HHAT: variants seen among roughly 807,000 people sequenced by gnomAD.
The protein encoded by HHAT is hedgehog acyltransferase.
Under a neutral mutation model 70.8 loss-of-function variants are expected in HHAT, and 47 were observed. That is an observed-to-expected ratio of 0.66 (90% CI 0.53 to 0.85). HHAT has a LOEUF of 0.85. HHAT is among the 40% of genes least tolerant of loss of function. HHAT has a pLI of 0.00. For synonymous variants in HHAT, 228 were observed against 247.6 expected, an observed-to-expected ratio of 0.92 and a Z score of 0.74; for missense variants, 609 against 604.8, an observed-to-expected ratio of 1.01 and a Z score of -0.07.
At chr1:210,655,943 G>T (rs943159187) in intron 11 of HHAT, among the ~76,000 whole-genome samples, 11 of 152,182 alleles carry the variant, frequency 7.2e-5, no homozygotes, top group African/African-American at 2.6e-4. Flanking sequence ...CCTTTGTAGG[G>T]ATCATCTGGT....
chr1:210,634,577 C>T (rs182226932), intron 11 of HHAT, among the ~76,000 whole-genome samples: 17 of 152,260 alleles, frequency 1.1e-4, no homozygotes, highest in Admixed American at 6.5e-4. Flanking sequence ...TGTGGAGCTG[C>T]GCTTTTTCTC....
chr1:210,344,431 C>T (rs1026739788), intron 1 of HHAT, among the ~76,000 whole-genome samples: 1 of 152,080 alleles, frequency 6.6e-6, no homozygotes, highest in African/African-American at 2.4e-5. Flanking sequence ...CACAGCTGTG[C>T]CCATTAGGTG....
At chr1:210,349,465 A>G (rs963263381) in intron 2 of HHAT, among the ~76,000 whole-genome samples, 17 of 152,032 alleles carry the variant, frequency 1.1e-4, no homozygotes, top group African/African-American at 4.1e-4. Flanking sequence ...TGTTGGAGAT[A>G]AATCATCATC....
chr1:210,598,579 T>C (rs1024801305), intron 10 of HHAT, among the ~76,000 whole-genome samples: 3 of 152,196 alleles, frequency 2.0e-5, no homozygotes, highest in Non-Finnish European at 4.4e-5. Flanking sequence ...TGGGCTGAGT[T>C]CTGCCCATCT....
At chr1:210,520,465 T>TTGG (rs1181491443) in intron 9 of HHAT, among the ~76,000 whole-genome samples, 1 of 152,206 alleles carries the variant, frequency 6.6e-6, no homozygotes. Flanking sequence ...TCGCTCTGGT[T>TTGG]TGGTGGTTTT....
intron 8 of HHAT, among the ~76,000 whole-genome samples, chr1:210,469,931 C>T (rs990128547): frequency 9.2e-5 from 14 of 152,100 alleles, no homozygotes; most frequent in African/African-American, 3.4e-4. Flanking sequence ...ACTATCAACC[C>T]GACTTCTAGG....
At chr1:210,590,749 C>T (rs966405100) in intron 10 of HHAT, among the ~76,000 whole-genome samples, 60 of 152,198 alleles carry the variant, frequency 3.9e-4, no homozygotes, top group African/African-American at 1.4e-3. Context: ...GAAACGCCTT[C>T]ACCAGAACAC....
intron 6 of HHAT, among the ~76,000 whole-genome samples, chr1:210,405,661 G>A (rs1256251075): frequency 6.6e-6 from 1 of 152,142 alleles, no homozygotes; most frequent in Non-Finnish European, 1.5e-5. Flanking sequence ...TGTCCTCAAA[G>A]TTCCACTGAA....
chr1:210,347,066 G>T (rs1436198771), intron 1 of HHAT, among the ~76,000 whole-genome samples: 1 of 152,136 alleles, frequency 6.6e-6, no homozygotes, highest in Non-Finnish European at 1.5e-5. Flanking sequence ...CACTTTTCAA[G>T]AATATAATAC....
intron 7 of HHAT, among the ~76,000 whole-genome samples, chr1:210,445,200 A>G (rs978684122): frequency 6.6e-6 from 1 of 152,222 alleles, no homozygotes; most frequent in Non-Finnish European, 1.5e-5. Flanking sequence ...AGTGCGGAGA[A>G]TATAAAATAG....
At chr1:210,385,841 A>G (rs2091005289) in intron 3 of HHAT, among the ~76,000 whole-genome samples, 1 of 152,302 alleles carries the variant, frequency 6.6e-6, no homozygotes, top group South Asian at 2.1e-4. Flanking sequence ...TAATGTACAT[A>G]TGCTCTTATT....
At chr1:210,334,178 A>ATT (rs3033354) in intron 1 of HHAT, among the ~76,000 whole-genome samples, 21,088 of 99,840 alleles carry the variant, frequency 0.21, 5,431 homozygotes, top group South Asian at 0.26. Context: ...TTAGCGTGTC[A>ATT]TTTTTTTTTT....
intron 7 of HHAT, among the ~76,000 whole-genome samples, chr1:210,446,146 A>G (rs2148377218): frequency 6.6e-6 from 1 of 152,158 alleles, no homozygotes; most frequent in African/African-American, 2.4e-5. Context: ...GAGGGTGTGG[A>G]ACTCTGGCCT....
chr1:210,360,465 C>T (rs1213861053), intron 2 of HHAT, among the ~76,000 whole-genome samples: 1 of 152,158 alleles, frequency 6.6e-6, no homozygotes, highest in Non-Finnish European at 1.5e-5. Context: ...CGCCTGCCAT[C>T]ACGCCCAGCT....
chr1:210,575,638 T>G (rs1392604719), intron 9 of HHAT, among the ~76,000 whole-genome samples: 2 of 152,192 alleles, frequency 1.3e-5, no homozygotes, highest in Admixed American at 1.3e-4. Context: ...TGTTTGTGAC[T>G]GAGAGCTAGT....
intron 9 of HHAT, among the ~76,000 whole-genome samples, chr1:210,559,922 C>T (rs1230605346): frequency 1.3e-5 from 2 of 152,180 alleles, no homozygotes; most frequent in African/African-American, 4.8e-5. Flanking sequence ...TGAAAGCCTG[C>T]TCAGTCAGGT....
Position 210,625,107 on chromosome 1 carries a change from G to A in HHAT, c.1390+1437G>A, listed in dbSNP as rs1204574754. On this transcript the variant is annotated intron_variant, in intron 11 of 11. Transcript: ENST00000261458. ...GAGAGTCCTGTTCTACTTTAATCTT[G>A]TCACTAAAAGACCCCTCTTTGATCT... Among the ~76,000 whole-genome samples, 3 of 152,166 alleles carry A rather than the reference G, an allele frequency of 2.0e-5. No homozygotes were observed. The East Asian group carries it at 5.8e-4, about 29-fold the overall frequency.
chr1:210,560,315 T>C (rs1553271251), intron 9 of HHAT, among the ~76,000 whole-genome samples: 1 of 152,078 alleles, frequency 6.6e-6, no homozygotes, highest in Non-Finnish European at 1.5e-5. Context: ...AAGGTTTTTT[T>C]CCCCCACTTA....
chr1:210,329,211 A>G (rs2084762994), intron 1 of HHAT, 107 bp downstream of exon 1: 1 of 1,197,296 alleles, frequency 8.4e-7, no homozygotes, highest in African/African-American at 1.6e-5. Context: ...TCCGTTTCCT[A>G]CCCAAGTTCC....
Sources: gnomAD v4.1 joint callset for allele counts (sites outside exome capture counted in the v4.1 genomes callset) on GRCh38, gnomAD v4.1.1 for gene constraint, MANE v1.5 for transcripts, NCBI Gene and HGNC (gene_info 2026-07-23, HGNC 2026-07-21) for gene names.